SORCS2: variants seen among roughly 807,000 people sequenced by gnomAD.
SORCS2 encodes sortilin related VPS10 domain containing receptor 2, also known as VPS10 domain-containing receptor SorCS2.
A neutral mutation model predicts 141.6 loss-of-function variants in SORCS2; 100 were observed. The ratio of observed to expected loss-of-function variants is 0.71; its 90% CI spans 0.60 to 0.83. SORCS2 has a LOEUF of 0.83. Among genes scored for constraint, SORCS2 ranks in the 40% least tolerant of loss-of-function variants. SORCS2 has a pLI of 0.00. For synonymous variants in SORCS2, 789 were observed against 676.9 expected (o/e 1.17, Z -2.57); for missense variants, 1,646 against 1,560.2 (o/e 1.05, Z -0.93).
intron 2 of SORCS2, among the ~76,000 whole-genome samples, chr4:7,475,102 G>C (rs1407197232): frequency 6.6e-6 from 1 of 152,170 alleles, no homozygotes; most frequent in Non-Finnish European, 1.5e-5. Flanking sequence ...CCAATGCCAG[G>C]GGTAAGGCCT....
intron 3 of SORCS2, among the ~76,000 whole-genome samples, chr4:7,547,052 C>T (rs528985874): frequency 1.1e-4 from 17 of 152,240 alleles, no homozygotes; most frequent in African/African-American, 3.4e-4. Context: ...TTTCTGGTGC[C>T]GAGAAACACC....
chr4:7,361,734 T>A (rs986439707), intron 1 of SORCS2, among the ~76,000 whole-genome samples: 3 of 151,698 alleles, frequency 2.0e-5, no homozygotes, highest in African/African-American at 7.3e-5. Flanking sequence ...GCTGTAAGGC[T>A]TTTATTAAAC....
chr4:7,734,008 G>T (rs1711935326), intron 24 of SORCS2, among the ~76,000 whole-genome samples: 1 of 152,000 alleles, frequency 6.6e-6, no homozygotes, highest in Non-Finnish European at 1.5e-5. Context: ...GACAGGCAGG[G>T]GATAGGCAGG....
At position 7,683,848 on chromosome 4, in the gene SORCS2, A is replaced by C. The variant is rs1156357478; in HGVS notation, c.1488+959A>C. ...GGTTGCCTAGAGTGGAGAATCTCTC[A>C]AAGTAGCTGGGACTCTTGCCCGCTC... On this transcript the variant is annotated intron_variant, in intron 10 of 26. Transcript: ENST00000507866. 2.0e-5 allele frequency among the ~76,000 whole-genome samples: 3 copies of C among 152,182 alleles called. No individual in the cohort carries two copies. The East Asian group carries it at 5.8e-4, about 29-fold the overall frequency.
intron 5 of SORCS2, 56 bp from the exon 6 acceptor site, chr4:7,661,444 G>C: frequency 6.5e-7 from 1 of 1,535,210 alleles, no homozygotes; most frequent in Non-Finnish European, 8.8e-7. Flanking sequence ...GGGAGCAGCT[G>C]GGGGACGGGC....
chr4:7,667,629 C>A (rs1257821831), intron 8 of SORCS2, among the ~76,000 whole-genome samples: 1 of 152,220 alleles, frequency 6.6e-6, no homozygotes, highest in African/African-American at 2.4e-5. Flanking sequence ...CTGCTCTCCT[C>A]TGATATTGCT....
chr4:7,387,575 G>T (rs1201819841), intron 1 of SORCS2, among the ~76,000 whole-genome samples: 1 of 131,164 alleles, frequency 7.6e-6, no homozygotes, highest in African/African-American at 2.9e-5. Context: ...ACGCACACAT[G>T]CACACACATA....
At chr4:7,271,946 G>C (rs541777367) in intron 1 of SORCS2, among the ~76,000 whole-genome samples, 7 of 152,352 alleles carry the variant, frequency 4.6e-5, no homozygotes, top group Admixed American at 4.6e-4. Flanking sequence ...CCTGTCCTCA[G>C]CCAGGGGCAG....
chr4:7,416,877 C>T (rs993499605), intron 2 of SORCS2, among the ~76,000 whole-genome samples: 4 of 151,502 alleles, frequency 2.6e-5, no homozygotes, highest in Non-Finnish European at 4.4e-5. Context: ...CATGCTCAGA[C>T]ACACACATAT....
intron 2 of SORCS2, among the ~76,000 whole-genome samples, chr4:7,524,788 C>G (rs1733563751): frequency 6.6e-6 from 1 of 151,996 alleles, no homozygotes; most frequent in Non-Finnish European, 1.5e-5. Flanking sequence ...CCCCTCCCCA[C>G]CCCGCCGCCA....
chr4:7,554,400 C>T (rs969939750), intron 3 of SORCS2, among the ~76,000 whole-genome samples: 3 of 152,144 alleles, frequency 2.0e-5, no homozygotes, highest in Non-Finnish European at 2.9e-5. Context: ...CTTGGAGACA[C>T]TACATGTGGG....
At chr4:7,608,938 C>T (rs780515601) in intron 3 of SORCS2, among the ~76,000 whole-genome samples, 2 of 152,110 alleles carry the variant, frequency 1.3e-5, no homozygotes, top group East Asian at 1.9e-4. Context: ...AGGCACTAGC[C>T]GAGCACTAGT....
At position 7,531,454 on chromosome 4, in the gene SORCS2, G is replaced by A. The variant is rs1577705373; in HGVS notation, c.549-76G>A. 5.0e-6 allele frequency: 7 copies of A among 1,409,280 alleles called. No individual in the cohort carries two copies. In the South Asian group the frequency reaches 8.6e-5, roughly 17 times the overall value. 87.3% of individuals were successfully genotyped at this position (1,409,280 alleles called of 1,614,324 possible). ...TCGGCCCGCACGGGCACAGGGCAGG[G>A]GCTGGACACCGTGTGGGCTGACGAA... On this transcript the variant is annotated intron_variant, in intron 2 of 26. Coordinates refer to ENST00000507866, the MANE Select transcript of SORCS2 (RefSeq NM_020777.3).
chr4:7,395,660 T>G (rs201918664), intron 1 of SORCS2, among the ~76,000 whole-genome samples: 1 of 152,070 alleles, frequency 6.6e-6, no homozygotes, highest in Non-Finnish European at 1.5e-5. Context: ...CGTGGTCAGG[T>G]GGGCCCCGTG....
chr4:7,335,404 G>T (rs1234407237), intron 1 of SORCS2, among the ~76,000 whole-genome samples: 1 of 152,206 alleles, frequency 6.6e-6, no homozygotes, highest in Non-Finnish European at 1.5e-5. Flanking sequence ...ATTTTGCAGA[G>T]AACCCAAACA....
chr4:7,465,555 G>A (rs1299362441), intron 2 of SORCS2, among the ~76,000 whole-genome samples: 1 of 152,040 alleles, frequency 6.6e-6, no homozygotes, highest in Non-Finnish European at 1.5e-5. Context: ...AGTAATGTGT[G>A]TCCCCCTCTC....
intron 2 of SORCS2, among the ~76,000 whole-genome samples, chr4:7,421,481 G>A (rs1726053160): frequency 6.6e-6 from 1 of 152,190 alleles, no homozygotes. Flanking sequence ...AGTGGTAATG[G>A]ATGTAAAACA....
At chr4:7,633,321 G>A (rs1030939379) in intron 3 of SORCS2, among the ~76,000 whole-genome samples, 1 of 152,110 alleles carries the variant, frequency 6.6e-6, no homozygotes, top group African/African-American at 2.4e-5. Flanking sequence ...TGGACGAGAG[G>A]CGGAGCAGGG....
intron 19 of SORCS2, 72 bp downstream of exon 19, chr4:7,723,955 C>T: frequency 6.8e-7 from 1 of 1,461,472 alleles, no homozygotes; most frequent in Non-Finnish European, 9.0e-7. Flanking sequence ...GGGGGAAACA[C>T]AGGGAAGCCC....
Sources: gnomAD v4.1 joint callset for allele counts (sites outside exome capture counted in the v4.1 genomes callset) on GRCh38, gnomAD v4.1.1 for gene constraint, MANE v1.5 for transcripts, NCBI Gene and HGNC (gene_info 2026-07-23, HGNC 2026-07-21) for gene names.